The following LMTK3 variants were observed in gnomAD, a reference collection of about 807,000 sequenced individuals.
The protein encoded by LMTK3 is serine/threonine-protein kinase LMTK3.
Under a neutral mutation model 116.7 loss-of-function variants are expected in LMTK3, and 27 were observed. The ratio of observed to expected loss-of-function variants is 0.23; its 90% CI spans 0.17 to 0.32. LMTK3 has a LOEUF of 0.32. LMTK3 is among the 10% of genes least tolerant of loss of function. The pLI, the probability that LMTK3 is intolerant of heterozygous loss-of-function variation, is 1.00. For synonymous variants in LMTK3, 965 were observed against 971.0 expected, an observed-to-expected ratio of 0.99 and a Z score of 0.11; for missense variants, 1,764 against 2,068.5, an observed-to-expected ratio of 0.85 and a Z score of 2.86.
intron 6 of LMTK3, 56 bp downstream of exon 6, chr19:48,502,852 GC>G: frequency 7.6e-7 from 1 of 1,313,790 alleles, no homozygotes; most frequent in Non-Finnish European, 1.1e-6. Flanking sequence ...ACCAGGCTTG[GC>G]CCCGGCCTTG....
Position 48,499,533 on chromosome 19 carries a change from G to A in LMTK3, c.1536C>T (p.Asn512=). Reference sequence around the variant, plus strand: ...GCGTGGACAGCGCCTCGTAGAAAGGGTTGGAGGGGTTGGCGTGGGGGGCCG... The same window carrying A: ...GCGTGGACAGCGCCTCGTAGAAAGGATTGGAGGGGTTGGCGTGGGGGGCCG... ...APPAPHANPS[N]PFYEALSTPS... is the part of the protein sequence containing the mutation. Residue 512 remains asparagine, a synonymous_variant, in exon 11 of 15, where the codon AAC becomes AAT. Coordinates refer to ENST00000600059, the MANE Select transcript of LMTK3 (RefSeq NM_001388485.1). The A allele has an allele frequency of 6.9e-7, 1 of 1,450,920 alleles. No individual in the cohort carries two copies. 89.9% of individuals were successfully genotyped at this position (1,450,920 alleles called of 1,614,324 possible).
In LMTK3 at chr19:48,501,575, C is replaced by A; in HGVS notation, c.795-13G>T. On this transcript the variant is annotated splice_polypyrimidine_tract_variant and intron_variant, in intron 7 of 14. Transcript: ENST00000600059. ...CAGGGCCAGGTCGCTGCGGGAAGAA[C>A]GCGAGGAGGTGAGCGCAGGGGCAGC... 1 of 1,598,380 alleles carries A rather than the reference C, an allele frequency of 6.3e-7. No homozygotes were observed. Among genetic ancestry groups the A allele is most frequent in the Non-Finnish European group, 8.5e-7 (1 of 1,174,796 alleles).
At position 48,497,622 on chromosome 19, in the gene LMTK3, C is replaced by G. The variant is rs528592329; in HGVS notation, c.3447G>C (p.Pro1149=). The change falls in exon 11 of 15, where the codon CCG becomes CCC. Residue 1149 remains proline, a synonymous_variant. Coordinates refer to ENST00000600059, the MANE Select transcript of LMTK3 (RefSeq NM_001388485.1). The surrounding 1 kb of genome is among the most constrained non-coding windows in gnomAD (Gnocchi z 5.7). ...DNTRPQPPPP[P]LPPPPEAQPR... is the part of the protein sequence containing the mutation. ...GCTGTGCCTCCGGTGGCGGTGGCAG[C>G]GGTGGCGGCGGTGGCTGCGGCCTCG... 17 of 1,267,260 alleles carry G rather than the reference C, an allele frequency of 1.3e-5. No homozygotes were observed. The highest frequency in any genetic ancestry group is 2.4e-4 in the Middle Eastern group (1 of 4,196). 78.5% of individuals were successfully genotyped at this position (1,267,260 alleles called of 1,614,324 possible). A position where few individuals can be genotyped will look rare whatever the true frequency, so the allele number is the denominator to read the frequency against.
In LMTK3 at chr19:48,491,442, G is replaced by A. The variant is rs140955674; in HGVS notation, c.4190C>T (p.Thr1397Ile). Residue 1397 changes from threonine to isoleucine, a missense_variant, in exon 13 of 15, where the codon ACC becomes ATC. Physicochemically the swap from Thr to Ile is moderately conservative, Grantham distance 89 (BLOSUM62 -1). Coordinates refer to ENST00000600059, the MANE Select transcript of LMTK3 (RefSeq NM_001388485.1). The surrounding 1 kb of genome is among the most constrained non-coding windows in gnomAD (Gnocchi z 5.1). ...GTTGCTGGGAAACCCATCTCCGGGGGTGGCGGGGTGGGGAGGTGTCGGGGG... is the reference window on the plus strand; with the variant it reads ...GTTGCTGGGAAACCCATCTCCGGGGATGGCGGGGTGGGGAGGTGTCGGGGG... ...PAPPTPPHPATPGDGFPSNDS... is the reference protein window; with the variant it reads ...PAPPTPPHPAIPGDGFPSNDS... 2,756 of 1,428,300 alleles carry A rather than the reference G, an allele frequency of 1.9e-3. 73 individuals carry two copies. The East Asian group carries it at 0.065, about 34-fold the overall frequency. The allele number at this position is 1,428,300 out of a possible 1,614,324, so 88.5% of individuals were successfully genotyped here. A position where few individuals can be genotyped will look rare whatever the true frequency, so the allele number is the denominator to read the frequency against.
Position 48,510,595 on chromosome 19 carries a change from G to A in LMTK3, c.77-3C>T. ...AGCCCGGCCCAGGGCGAATCCATCTGTGGGCACAGGGCTGGGCTGGGGTCC... is the reference window on the plus strand; with the variant it reads ...AGCCCGGCCCAGGGCGAATCCATCTATGGGCACAGGGCTGGGCTGGGGTCC... On this transcript the variant is annotated splice_polypyrimidine_tract_variant and splice_region_variant and intron_variant, in intron 1 of 14. Transcript: ENST00000600059. The A allele has an allele frequency of 6.4e-7, 1 of 1,573,030 alleles. No homozygotes were observed. The highest frequency in any genetic ancestry group is 8.6e-7 in the Non-Finnish European group (1 of 1,162,974).
chr19:48,507,626 A>G (rs1972592636), intron 5 of LMTK3, among the ~76,000 whole-genome samples: 1 of 152,208 alleles, frequency 6.6e-6, no homozygotes, highest in South Asian at 2.1e-4. Context: ...TATTTATATA[A>G]TAGAGACAGG....
In LMTK3 at chr19:48,498,308, G is replaced by A; in HGVS notation, c.2761C>T (p.Leu921Phe). Reference protein sequence around the residue: ...GNGKQAPSLSLPVNGVTVLEN... With the variant: ...GNGKQAPSLSFPVNGVTVLEN... ...AGCACTGTCACCCCGTTCACTGGGAGGCTCAGGCTTGGGGCTTGTTTCCCG... is the reference window on the plus strand; with the variant it reads ...AGCACTGTCACCCCGTTCACTGGGAAGCTCAGGCTTGGGGCTTGTTTCCCG... The change falls in exon 11 of 15, where the codon CTC becomes TTC. Residue 921 changes from leucine to phenylalanine, a missense_variant. By Grantham distance (22) the Leu-to-Phe change is conservative. Around this residue, in one of 7 missense-constraint regions of LMTK3, gnomAD observed 1,028 missense variants for 1,050.6 expected, o/e 0.98. Transcript: ENST00000600059. The A allele has an allele frequency of 6.2e-7, 1 of 1,613,240 alleles. No individual in the cohort carries two copies. Among genetic ancestry groups the A allele is most frequent in the African/African-American group, 1.3e-5 (1 of 74,950 alleles).
chr19:48,510,763 G>C (rs949620074), intron 1 of LMTK3, among the ~76,000 whole-genome samples, 171 bp from the exon 2 acceptor site: 2 of 152,194 alleles, frequency 1.3e-5, no homozygotes, highest in Non-Finnish European at 2.9e-5. Context: ...TGTAGTTTGG[G>C]GCCTTCCCAA....
Position 48,497,820 on chromosome 19 carries a change from C to T in LMTK3, c.3249G>A (p.Thr1083=), listed in dbSNP as rs906039535. The change falls in exon 11 of 15, where the codon ACG becomes ACA. Residue 1083 remains threonine, a synonymous_variant. Coordinates refer to ENST00000600059, the MANE Select transcript of LMTK3 (RefSeq NM_001388485.1). The surrounding 1 kb of genome is among the most constrained non-coding windows in gnomAD (Gnocchi z 5.7). ...GPLGPAPKNG[T]LEPGTERRAP... ...CTCTCCTCTCGGTCCCGGGTTCCAG[C>T]GTCCCGTTCTTGGGGGCTGGGCCAA... is the stretch of plus-strand genomic sequence containing the variant. 6 of 1,388,894 alleles carry T rather than the reference C, an allele frequency of 4.3e-6. No homozygotes were observed. The highest frequency in any genetic ancestry group is 2.8e-5 in the East Asian group (1 of 35,852). The allele number at this position is 1,388,894 out of a possible 1,614,324, so 86.0% of individuals were successfully genotyped here.
chr19:48,491,503 G>T lies in LMTK3; in HGVS notation c.4129C>A (p.Pro1377Thr). 7.1e-7 allele frequency: 1 copy of T among 1,408,494 alleles called. No homozygotes were observed. Among genetic ancestry groups the T allele is most frequent in the Non-Finnish European group, 9.3e-7 (1 of 1,077,798 alleles). The allele number at this position is 1,408,494 out of a possible 1,614,324, so 87.2% of individuals were successfully genotyped here. A position where few individuals can be genotyped will look rare whatever the true frequency, so the allele number is the denominator to read the frequency against. The change falls in exon 13 of 15, where the codon CCC becomes ACC. Residue 1377 changes from proline (P) to threonine (T), a missense_variant. Physicochemically the swap from Pro to Thr is conservative, Grantham distance 38 (BLOSUM62 -1). Transcript: ENST00000600059. This position sits in a 1 kb window ranked among gnomAD's most constrained non-coding sequence, Gnocchi z 5.1. ...GTTGACGGGTCCGTGTCCCCCTCGG[G>T]GGGGGCCTGGACGCTCAGCTCGTTG... is the stretch of plus-strand genomic sequence containing the variant. The part of the protein sequence containing the change: ...PTNELSVQAP[P>T]EGDTDPSTPP...
Position 48,485,663 on chromosome 19 carries a change from G to A in LMTK3, c.*110C>T. 8.1e-7 allele frequency: 1 copy of A among 1,241,384 alleles called. No individual in the cohort carries two copies. The highest frequency in any genetic ancestry group is 1.1e-6 in the Non-Finnish European group (1 of 869,764). 76.9% of individuals were successfully genotyped at this position (1,241,384 alleles called of 1,614,324 possible). On this transcript the variant is annotated 3_prime_UTR_variant, in exon 15 of 15. Transcript: ENST00000600059. Reference sequence around the variant, plus strand: ...GGGAGGGGGAGGGCCCAGCCTCGGGGGCCTCCCCAGAGGCGGCGTCTGCGG... The same window carrying A: ...GGGAGGGGGAGGGCCCAGCCTCGGGAGCCTCCCCAGAGGCGGCGTCTGCGG...
At chr19:48,513,490 C>T (rs1972693976), upstream of LMTK3, 1 of 351,744 alleles carries the variant, frequency 2.8e-6, no homozygotes, top group Non-Finnish European at 5.3e-6. This position sits in a 1 kb window ranked among gnomAD's most constrained non-coding sequence, Gnocchi z 5.6. Flanking sequence ...ACGTGCCAGG[C>T]CGCCGCCGTC....
At chr19:48,492,737 C>T (rs1057240380) in intron 12 of LMTK3, among the ~76,000 whole-genome samples, 19 of 152,118 alleles carry the variant, frequency 1.2e-4, no homozygotes, top group Admixed American at 9.2e-4. Flanking sequence ...ATCCAGGCCT[C>T]TTCTCAACAC....
In LMTK3 at chr19:48,497,498, G is replaced by T; in HGVS notation, c.3571C>A (p.Leu1191Ile). ...PDSRAGGDTA[L>I]SGDGDPPKPE... ...TTGGGGGGGTCCCCGTCTCCGCTGA[G>T]TGCCGTGTCTCCGCCGGCCCTGCTG... Residue 1191 changes from leucine (L) to isoleucine (I), a missense_variant, in exon 11 of 15, where the codon CTC becomes ATC. By Grantham distance (5) the Leu-to-Ile change is conservative. Around this residue, in one of 7 missense-constraint regions of LMTK3, gnomAD observed 1,028 missense variants for 1,050.6 expected, o/e 0.98. Transcript: ENST00000600059. This position sits in a 1 kb window ranked among gnomAD's most constrained non-coding sequence, Gnocchi z 5.7. 6.8e-7 allele frequency: 1 copy of T among 1,463,484 alleles called. No individual in the cohort carries two copies. Among genetic ancestry groups the T allele is most frequent in the Non-Finnish European group, 9.0e-7 (1 of 1,109,450 alleles). The allele number at this position is 1,463,484 out of a possible 1,614,324, so 90.7% of individuals were successfully genotyped here. A position where few individuals can be genotyped will look rare whatever the true frequency, so the allele number is the denominator to read the frequency against.
rs1272686801 is a variant in LMTK3 at position 48,509,473 on chromosome 19, G to A, written c.402C>T (p.Ser134=). The change falls in exon 4 of 15, where the codon AGC becomes AGT. Residue 134 remains serine, a synonymous_variant. Coordinates refer to ENST00000600059, the MANE Select transcript of LMTK3 (RefSeq NM_001388485.1). ...AGCCACTCCCAATCTCCTGCAGGTA[G>A]CTCAGGTGCTGCCGGCTAAGGCCCA... The part of the protein sequence containing the change: ...TPLGLSRQHL[S]YLQEIGSGWF... The A allele has an allele frequency of 1.3e-6, 2 of 1,560,660 alleles. No individual in the cohort carries two copies. Among genetic ancestry groups the A allele is most frequent in the South Asian group, 2.4e-5 (2 of 84,530 alleles).
chr19:48,501,456 T>A (rs1166581065), intron 8 of LMTK3, 22 bp downstream of exon 8: 1 of 1,612,346 alleles, frequency 6.2e-7, no homozygotes, highest in Non-Finnish European at 8.5e-7. Context: ...ACAGCCCCCA[T>A]CCCGACGGAA....
Position 48,497,423 on chromosome 19 carries a change from G to A in LMTK3, c.3646C>T (p.Pro1216Ser). 1 of 1,536,064 alleles carries A rather than the reference G, an allele frequency of 6.5e-7. No homozygotes were observed. Among genetic ancestry groups the A allele is most frequent in the Non-Finnish European group, 8.7e-7 (1 of 1,144,992 alleles). The change falls in exon 11 of 15, where the codon CCC (proline) becomes TCC (serine). Residue 1216 changes from proline (P) to serine (S), a missense_variant. By Grantham distance (74) the Pro-to-Ser change is moderately conservative. Transcript: ENST00000600059. This position sits in a 1 kb window ranked among gnomAD's most constrained non-coding sequence, Gnocchi z 5.7. ...EMPRLFLDLG[P>S]PQGNSEQIKA... ...ATCTGCTCGCTGTTCCCCTGAGGGG[G>A]TCCCAAGTCCAAGAATAGTCGTGGC...
Position 48,485,845 on chromosome 19 carries a change from G to T in LMTK3, c.4367-56C>A, listed in dbSNP as rs180969970. On this transcript the variant is annotated intron_variant, in intron 14 of 14. Coordinates refer to ENST00000600059, the MANE Select transcript of LMTK3 (RefSeq NM_001388485.1). ...AAATTACTAGGGGGACAGCCTCATG[G>T]CTTCTAGGTCACTCAGCGGAAAAGC... The T allele has an allele frequency of 2.3e-4, 358 of 1,553,408 alleles. 2 individuals carry two copies. In the African/African-American group the frequency reaches 3.4e-3, roughly 15 times the overall value.
At chr19:48,509,960 A>C in intron 3 of LMTK3, 63 bp downstream of exon 3, 1 of 1,585,174 alleles carries the variant, frequency 6.3e-7, no homozygotes, top group Non-Finnish European at 8.6e-7. Context: ...GAAGGAACAC[A>C]CTCAACATCT....
Sources: allele counts gnomAD v4.1 joint callset (sites outside exome capture counted in the v4.1 genomes callset), GRCh38; gene constraint gnomAD v4.1.1; regional missense constraint gnomAD v4.1.1; non-coding constraint Gnocchi (gnomAD v3.1); transcripts MANE v1.5; gene names NCBI Gene and HGNC (gene_info 2026-07-23, HGNC 2026-07-21).